Variants in MARS1 observed in about 807,000 individuals in gnomAD.
MARS1 encodes methionyl-tRNA synthetase 1.
A neutral mutation model predicts 119.5 loss-of-function variants in MARS1; 80 were observed. The observed-to-expected ratio is 0.67, with a 90% CI of 0.56 to 0.81. The LOEUF is 0.81. Among genes scored for constraint, MARS1 ranks in the 30% least tolerant of loss-of-function variants. The pLI is 0.00. For missense variants in MARS1, 945 were observed against 1,116.5 expected (o/e 0.85, Z 2.19); for synonymous variants, 418 against 433.4 (o/e 0.96, Z 0.44).
At chr12:57,513,568 T>G (rs1877625132) in intron 15 of MARS1, among the ~76,000 whole-genome samples, 1 of 144,020 alleles carries the variant, frequency 6.9e-6, no homozygotes, top group Non-Finnish European at 1.5e-5. Context: ...GGAGCAGTAC[T>G]CGTACCCCTA....
intron 11 of MARS1, among the ~76,000 whole-genome samples, chr12:57,507,825 G>T (rs1344091874): frequency 1.3e-5 from 2 of 151,190 alleles, no homozygotes; most frequent in Admixed American, 6.6e-5. Context: ...CCTCCCGGAC[G>T]GGGTGGCTGC....
intron 12 of MARS1, 39 bp downstream of exon 12, chr12:57,511,907 G>A: frequency 6.2e-7 from 1 of 1,610,376 alleles, no homozygotes; most frequent in East Asian, 2.2e-5. Flanking sequence ...CAGCCTTAGT[G>A]TTGAAACCCT....
chr12:57,499,617 A>AGGGCTG (rs1555167035), intron 9 of MARS1, among the ~76,000 whole-genome samples: 1 of 106,102 alleles, frequency 9.4e-6, no homozygotes, highest in African/African-American at 3.9e-5. Context: ...AAAAAAAAAA[A>AGGGCTG]GGGCTGGGCG....
At chr12:57,512,440 A>G (rs1484270305) in intron 14 of MARS1, 87 bp downstream of exon 14, 7 of 931,370 alleles carry the variant, frequency 7.5e-6, no homozygotes, top group South Asian at 5.6e-5. Flanking sequence ...GAGAGCTGCT[A>G]TCTTGAGTTA....
chr12:57,509,158 C>T (rs112678779), intron 11 of MARS1, among the ~76,000 whole-genome samples: 4 of 152,120 alleles, frequency 2.6e-5, no homozygotes, highest in African/African-American at 7.2e-5. Flanking sequence ...TCAGTAGGAA[C>T]GTATTCAAGG....
chr12:57,493,829 T>TTG (rs1876379725), intron 7 of MARS1, among the ~76,000 whole-genome samples: 1 of 1,244 alleles, frequency 8.0e-4, no homozygotes, highest in Non-Finnish European at 4.1e-3. Flanking sequence ...ATATATTATA[T>TTG]TATATATTAT....
At chr12:57,499,144 CG>C (rs1876789648) in intron 9 of MARS1, among the ~76,000 whole-genome samples, 1 of 150,738 alleles carries the variant, frequency 6.6e-6, no homozygotes, top group Non-Finnish European at 1.5e-5. Context: ...ATTAGTTGGG[CG>C]TGGTTGTGGG....
chr12:57,488,511 G>T, intron 1 of MARS1: 1 of 1,469,344 alleles, frequency 6.8e-7, no homozygotes, highest in Non-Finnish European at 9.3e-7. Context: ...ATCCCCCTCT[G>T]CTCTTTAGTT....
intron 7 of MARS1, among the ~76,000 whole-genome samples, chr12:57,494,367 G>A (rs1319530130): frequency 5.0e-4 from 58 of 115,498 alleles, no homozygotes; most frequent in African/African-American, 1.6e-3. Context: ...TCACACTGTC[G>A]TCCAGGCTGG....
intron 18 of MARS1, 90 bp downstream of exon 18, chr12:57,515,426 GT>G: frequency 7.6e-7 from 1 of 1,315,650 alleles, no homozygotes; most frequent in East Asian, 2.5e-5. Flanking sequence ...TCTCTCCAGT[GT>G]TACTTTGGTC....
intron 5 of MARS1, 78 bp downstream of exon 5, chr12:57,490,049 T>G (rs903279884): frequency 6.7e-7 from 1 of 1,486,348 alleles, no homozygotes; most frequent in Non-Finnish European, 9.4e-7. Context: ...TACTGAGAAC[T>G]CCCTTCAAGG....
chr12:57,493,818 T>TA (rs1876372753), intron 7 of MARS1, among the ~76,000 whole-genome samples: 12 of 1,180 alleles, frequency 0.01, no homozygotes, highest in Non-Finnish European at 0.041. Flanking sequence ...ATGTATATTA[T>TA]ATATATTATA....
intron 7 of MARS1, among the ~76,000 whole-genome samples, chr12:57,497,309 G>C (rs1876681809): frequency 6.6e-6 from 1 of 152,212 alleles, no homozygotes; most frequent in Non-Finnish European, 1.5e-5. Flanking sequence ...AAATGTTCTA[G>C]GAAGTAGTTG....
chr12:57,503,714 GTA>G (rs1877045262), intron 10 of MARS1, among the ~76,000 whole-genome samples: 1 of 152,046 alleles, frequency 6.6e-6, no homozygotes, highest in Non-Finnish European at 1.5e-5. Context: ...GCTAATTTTT[GTA>G]TTTTTAGTAG....
chr12:57,500,468 T>A lies in MARS1; in HGVS notation c.1239T>A (p.Ala413=), dbSNP rs1375898146. The A allele has an allele frequency of 6.2e-7, 1 of 1,614,170 alleles. No homozygotes were observed. The highest frequency in any genetic ancestry group is 1.6e-4 in the Middle Eastern group (1 of 6,062). The change falls in exon 10 of 21, where the codon GCT becomes GCA. Residue 413 remains alanine, a synonymous_variant. Coordinates refer to ENST00000262027, the MANE Select transcript of MARS1 (RefSeq NM_004990.4). ...GTCCCTTCTGTGGCTATGAGGAGGC[T>A]CGGGGTGACCAGTGTGACAAGTGTG... ...GVCPFCGYEE[A]RGDQCDKCGK...
At chr12:57,513,982 G>A (rs2140036091) in intron 15 of MARS1, among the ~76,000 whole-genome samples, 1 of 148,100 alleles carries the variant, frequency 6.8e-6, no homozygotes, top group East Asian at 2.1e-4. Context: ...AGAATCACTT[G>A]AACCCGGGAG....
intron 7 of MARS1, among the ~76,000 whole-genome samples, chr12:57,494,561 A>T (rs1876488522): frequency 9.5e-6 from 1 of 105,546 alleles, no homozygotes. Flanking sequence ...GGAGAGGGGG[A>T]TTTGGCAGGG....
rs752350446 is a variant in MARS1, at chr12:57,500,513, C to T, written c.1284C>T (p.Val428=). Residue 428 remains valine, a synonymous_variant, in exon 10 of 21, where the codon GTC becomes GTT. Transcript: ENST00000262027. The part of the protein sequence containing the change: ...CDKCGKLINA[V]ELKKPQCKVC... ...AGTGTGGCAAGCTCATCAATGCTGT[C>T]GAGCTTAAGGTAAGAGGAGGGTCTC... The T allele has an allele frequency of 2.1e-5, 34 of 1,613,976 alleles. 1 individual carries two copies. Among genetic ancestry groups the T allele is most frequent in the South Asian group, 1.3e-4 (12 of 91,062 alleles).
Position 57,498,643 on chromosome 12 carries a change from G to A in MARS1, c.1091+20G>A. 13 of 1,608,352 alleles carry A rather than the reference G, an allele frequency of 8.1e-6. No homozygotes were observed. The highest frequency in any genetic ancestry group is 1.0e-5 in the Non-Finnish European group (12 of 1,174,886). The stretch of plus-strand genomic sequence containing the variant: ...GACCAAGTAAGTTTCCTCTAATGAG[G>A]CAGAAATGGGGCTTGAAGGCTGAGA... On this transcript the variant is annotated intron_variant, in intron 9 of 20. Transcript: ENST00000262027.
Sources: allele counts gnomAD v4.1 joint callset (sites outside exome capture counted in the v4.1 genomes callset), GRCh38; gene constraint gnomAD v4.1.1; transcripts MANE v1.5; gene names NCBI Gene and HGNC (gene_info 2026-07-23, HGNC 2026-07-21).